Variants in TSPEAR observed in about 807,000 individuals in gnomAD.
TSPEAR encodes the protein thrombospondin type laminin G domain and EAR repeats.
TSPEAR carries 69 observed loss-of-function variants against 71.6 expected under a neutral mutation model. That is an observed-to-expected ratio of 0.96 (90% CI 0.79 to 1.18). The LOEUF is 1.18. TSPEAR is among the 50% of genes most tolerant of loss of function. The pLI is 0.00. For synonymous variants in TSPEAR, 402 were observed against 387.2 expected, an observed-to-expected ratio of 1.04 and a Z score of -0.45; for missense variants, 971 against 894.9, an observed-to-expected ratio of 1.09 and a Z score of -1.09.
chr21:44,677,336 A>G (rs1257063982), intron 1 of TSPEAR: 3 of 1,340,456 alleles, frequency 2.2e-6, no homozygotes, highest in Non-Finnish European at 3.2e-6. Context: ...CCTCAATCTC[A>G]GAATTGTCCA....
intron 1 of TSPEAR, among the ~76,000 whole-genome samples, chr21:44,599,134 T>TTCTCCCTCTCTCTCTCTCTCTCTCTCTC (rs1980576276): frequency 1.1e-5 from 1 of 92,280 alleles, no homozygotes; most frequent in Non-Finnish European, 2.4e-5. Context: ...GGCCCCCATT[T>TTCTCCCTCTCTCTCTCTCTCTCTCTCTC]TCTCTCTCTC....
chr21:44,536,060 G>T (rs1418133379), intron 2 of TSPEAR, among the ~76,000 whole-genome samples: 1 of 152,228 alleles, frequency 6.6e-6, no homozygotes, highest in Non-Finnish European at 1.5e-5. Flanking sequence ...GGAAGCCCTG[G>T]TAGCTCAGAC....
chr21:44,574,456 G>T lies in TSPEAR; in HGVS notation c.83-6451C>A, dbSNP rs782672396. The T allele has an allele frequency of 2.5e-6, 4 of 1,601,082 alleles. No individual in the cohort carries two copies. In the East Asian group the frequency reaches 9.2e-5, roughly 37 times the overall value. On this transcript the variant is annotated intron_variant, in intron 1 of 11. Transcript: ENST00000323084. ...CAGCAGGCCTGCTGCGTGCCCGTCT[G>T]CTGCAAGACTGTCTGCTGCAAGCCT... is the stretch of plus-strand genomic sequence containing the variant.
At chr21:44,626,267 G>C (rs1050342236) in intron 1 of TSPEAR, among the ~76,000 whole-genome samples, 1 of 152,228 alleles carries the variant, frequency 6.6e-6, no homozygotes, top group Non-Finnish European at 1.5e-5. Flanking sequence ...CAAGAAGCTC[G>C]GGACTTCATC....
At chr21:44,602,572 C>G (rs185488101) in intron 1 of TSPEAR, among the ~76,000 whole-genome samples, 1 of 152,228 alleles carries the variant, frequency 6.6e-6, no homozygotes, top group Non-Finnish European at 1.5e-5. Flanking sequence ...GGGCTCCCCC[C>G]GGCCCCGCCT....
intron 1 of TSPEAR, among the ~76,000 whole-genome samples, chr21:44,589,059 C>G (rs1979564183): frequency 6.6e-6 from 1 of 152,092 alleles, no homozygotes. Flanking sequence ...GTGTATACTG[C>G]TCGAATGATG....
At chr21:44,511,730 C>T (rs1226756940) in intron 9 of TSPEAR, among the ~76,000 whole-genome samples, 1 of 152,262 alleles carries the variant, frequency 6.6e-6, no homozygotes, top group Non-Finnish European at 1.5e-5. Flanking sequence ...TGCTGATGCT[C>T]ACCTGTGTTG....
At chr21:44,511,441 T>A (rs189873880) in intron 9 of TSPEAR, among the ~76,000 whole-genome samples, 105 of 152,324 alleles carry the variant, frequency 6.9e-4, no homozygotes, top group African/African-American at 2.4e-3. Flanking sequence ...CACATGCAGA[T>A]ACACAGGCCT....
intron 9 of TSPEAR, among the ~76,000 whole-genome samples, chr21:44,510,533 T>C (rs1024046629): frequency 6.6e-5 from 10 of 152,180 alleles, no homozygotes; most frequent in Non-Finnish European, 1.3e-4. Flanking sequence ...CTCCCTTGCT[T>C]GTATGCTCAG....
At chr21:44,581,918 G>A (rs1555925193) in intron 1 of TSPEAR, among the ~76,000 whole-genome samples, 2 of 152,120 alleles carry the variant, frequency 1.3e-5, no homozygotes, top group East Asian at 1.9e-4. Context: ...ATTCTAATTT[G>A]TTTCCATCTG....
intron 1 of TSPEAR, among the ~76,000 whole-genome samples, chr21:44,704,712 C>T (rs550624268): frequency 6.6e-6 from 1 of 152,202 alleles, no homozygotes; most frequent in African/African-American, 2.4e-5. Flanking sequence ...AGAAGAGGAG[C>T]CTCGGTGGGT....
At chr21:44,526,448 AGT>A (rs1491325646) in intron 7 of TSPEAR, among the ~76,000 whole-genome samples, 57 of 151,834 alleles carry the variant, frequency 3.8e-4, no homozygotes, top group African/African-American at 1.3e-3. Context: ...TTTGATGCAA[AGT>A]TTTTTTTATA....
intron 4 of TSPEAR, among the ~76,000 whole-genome samples, chr21:44,530,706 C>A (rs2145981033): frequency 6.6e-6 from 1 of 152,364 alleles, no homozygotes; most frequent in East Asian, 1.9e-4. Context: ...GAGACACAGG[C>A]ACCGAGCAGA....
In TSPEAR at chr21:44,647,136, C is replaced by T. The variant is rs782606646; in HGVS notation, c.82+64297G>A. On this transcript the variant is annotated intron_variant, in intron 1 of 11. Coordinates refer to ENST00000323084, the MANE Select transcript of TSPEAR (RefSeq NM_144991.3). Reference sequence around the variant, plus strand: ...AGCCTAGCTGCCAGCCAGCTTGCTGCACCACCTCCTGCTGCAGACCCTCCT... The same window carrying T: ...AGCCTAGCTGCCAGCCAGCTTGCTGTACCACCTCCTGCTGCAGACCCTCCT... 14 of 1,614,024 alleles carry T rather than the reference C, an allele frequency of 8.7e-6. No homozygotes were observed. In the East Asian group the frequency reaches 1.3e-4, roughly 15 times the overall value.
chr21:44,568,303 AC>A (rs2053731786), intron 1 of TSPEAR, among the ~76,000 whole-genome samples: 3 of 152,146 alleles, frequency 2.0e-5, no homozygotes, highest in African/African-American at 7.2e-5. Context: ...GCAGCCAGGC[AC>A]TGTGCAGGGT....
chr21:44,505,647 T>C (rs1000020355), intron 10 of TSPEAR, among the ~76,000 whole-genome samples: 19 of 143,008 alleles, frequency 1.3e-4, no homozygotes, highest in African/African-American at 4.4e-4. Flanking sequence ...AGGGACCTCA[T>C]ATGAATGGAA....
chr21:44,539,280 A>G, intron 2 of TSPEAR: 1 of 1,601,756 alleles, frequency 6.2e-7, no homozygotes, highest in East Asian at 2.2e-5. Context: ...CAGCAGCTGG[A>G]CTCCTGGCCT....
chr21:44,539,000 T>G, intron 2 of TSPEAR: 3 of 536,192 alleles, frequency 5.6e-6, no homozygotes, highest in South Asian at 2.5e-5. Context: ...CAAGGAGAGT[T>G]TATTGGGGAG....
At chr21:44,701,940 C>A (rs1987668567) in intron 1 of TSPEAR, among the ~76,000 whole-genome samples, 1 of 152,184 alleles carries the variant, frequency 6.6e-6, no homozygotes, top group Non-Finnish European at 1.5e-5. Flanking sequence ...CCTGTCCTTC[C>A]ACACTCCAGC....
Sources: gnomAD v4.1 joint callset for allele counts (sites outside exome capture counted in the v4.1 genomes callset) on GRCh38, gnomAD v4.1.1 for gene constraint, MANE v1.5 for transcripts, NCBI Gene and HGNC (gene_info 2026-07-23, HGNC 2026-07-21) for gene names.